The following PCDHGA11 variants were observed in gnomAD, a reference collection of about 807,000 sequenced individuals.
PCDHGA11 encodes the protein protocadherin gamma subfamily A, 11.
In PCDHGA11, 39 loss-of-function variants were observed where a neutral mutation model predicts 60.4. That is an observed-to-expected ratio of 0.65 (90% CI 0.50 to 0.84). PCDHGA11 has a LOEUF of 0.84. Ranked by LOEUF, PCDHGA11 falls within the 40% of genes least tolerant of loss-of-function variation. PCDHGA11 has a pLI of 0.00. For missense variants in PCDHGA11, 1,165 were observed against 1,197.7 expected, an observed-to-expected ratio of 0.97 and a Z score of 0.40; for synonymous variants, 533 against 510.3, an observed-to-expected ratio of 1.04 and a Z score of -0.60.
chr5:141,422,052 CG>C lies in PCDHGA11; in HGVS notation c.829del (p.Glu277LysfsTer2), dbSNP rs1282698929. 6.2e-7 allele frequency: 1 copy of C among 1,611,298 alleles called. No homozygotes were observed. The highest frequency in any genetic ancestry group is 1.1e-5 in the South Asian group (1 of 90,400). ...CAACGGATCCAGACGAGGGAATCAA[CG>C]GGGAAGTAATGTATTCATTTCGGAA... is the stretch of plus-strand genomic sequence containing the variant. ...NATDPDEGIN[G>X]EVMYSFRNME... On this transcript the variant is annotated frameshift_variant, in exon 1 of 4. Transcript: ENST00000398587. LOFTEE classifies it high-confidence loss of function.
Position 141,511,176 on chromosome 5 carries a change from T to C in PCDHGA11, c.*3T>C, listed in dbSNP as rs375508988. On this transcript the variant is annotated 3_prime_UTR_variant, in exon 4 of 4. Transcript: ENST00000398587. ...CGGGCAAGAAGGAGAAGAAGTAACA[T>C]GGAGGCCAGGCCAAGAGCCACAGGG... 198 of 1,614,046 alleles carry C rather than the reference T, an allele frequency of 1.2e-4. 1 individual carries two copies. The highest frequency in any genetic ancestry group is 6.5e-5 in the Non-Finnish European group (77 of 1,179,964).
At position 141,511,216 on chromosome 5, in the gene PCDHGA11, C is replaced by G. The variant is rs374915167; in HGVS notation, c.*43C>G. Reference sequence around the variant, plus strand: ...GAGCCACAGGGCGGCCTCTCCCCAACCAGCCCAGCTTCTCCTTACCTGCAC... The same window carrying G: ...GAGCCACAGGGCGGCCTCTCCCCAAGCAGCCCAGCTTCTCCTTACCTGCAC... On this transcript the variant is annotated 3_prime_UTR_variant, in exon 4 of 4. Coordinates refer to ENST00000398587, the MANE Select transcript of PCDHGA11 (RefSeq NM_018914.3). 4.2e-5 allele frequency: 68 copies of G among 1,608,004 alleles called. No individual in the cohort carries two copies. The highest frequency in any genetic ancestry group is 6.7e-5 in the East Asian group (3 of 44,538).
chr5:141,486,728 G>T lies in PCDHGA11; in HGVS notation c.2434-8079G>T. On this transcript the variant is annotated intron_variant, in intron 1 of 3. Coordinates refer to ENST00000398587, the MANE Select transcript of PCDHGA11 (RefSeq NM_018914.3). This position sits in a 1 kb window ranked among gnomAD's most constrained non-coding sequence, Gnocchi z 5.0. Reference sequence around the variant, plus strand: ...GAACCCCCAGACAGGAGCTGTTCATGCTACTCGATCCTTTGACTATGAGCA... The same window carrying T: ...GAACCCCCAGACAGGAGCTGTTCATTCTACTCGATCCTTTGACTATGAGCA... The T allele has an allele frequency of 6.2e-7, 1 of 1,614,200 alleles. No individual in the cohort carries two copies. The highest frequency in any genetic ancestry group is 8.5e-7 in the Non-Finnish European group (1 of 1,180,052).
intron 1 of PCDHGA11, chr5:141,441,982 G>T: frequency 3.6e-6 from 1 of 277,096 alleles, no homozygotes; most frequent in South Asian, 3.6e-5. Flanking sequence ...CCTGGAATGC[G>T]CACCGACGAG....
chr5:141,477,184 C>T lies in PCDHGA11; in HGVS notation c.2434-17623C>T. On this transcript the variant is annotated intron_variant, in intron 1 of 3. Coordinates refer to ENST00000398587, the MANE Select transcript of PCDHGA11 (RefSeq NM_018914.3). The surrounding 1 kb of genome is among the most constrained non-coding windows in gnomAD (Gnocchi z 4.9). ...ACGCCCCGGAGATCACAGTCACCTC[C>T]GTGTACAGCCCAGTACCCGAGGATG... The T allele has an allele frequency of 3.7e-6, 6 of 1,614,178 alleles. No individual in the cohort carries two copies. Among genetic ancestry groups the T allele is most frequent in the Non-Finnish European group, 5.1e-6 (6 of 1,180,032 alleles).
At chr5:141,441,911 T>TGAG in intron 1 of PCDHGA11, 1 of 348,148 alleles carries the variant, frequency 2.9e-6, no homozygotes, top group Non-Finnish European at 5.5e-6. Context: ...GACGCAGATG[T>TGAG]GAGACACAAT....
Position 141,485,625 on chromosome 5 carries a change from G to T in PCDHGA11, c.2434-9182G>T. 6.2e-7 allele frequency: 1 copy of T among 1,611,968 alleles called. No individual in the cohort carries two copies. On this transcript the variant is annotated intron_variant, in intron 1 of 3. Transcript: ENST00000398587. This position sits in a 1 kb window ranked among gnomAD's most constrained non-coding sequence, Gnocchi z 5.7. ...GGGGAGGCAGCTCCTCCAGGACAGC[G>T]TTTCCCGTTGGAAAAGGCTCAGGAT...
Position 141,490,644 on chromosome 5 carries a change from T to G in PCDHGA11, c.2434-4163T>G, listed in dbSNP as rs772742713. 1 of 1,614,188 alleles carries G rather than the reference T, an allele frequency of 6.2e-7. No individual in the cohort carries two copies. Among genetic ancestry groups the G allele is most frequent in the Non-Finnish European group, 8.5e-7 (1 of 1,180,016 alleles). The stretch of plus-strand genomic sequence containing the variant: ...CTGCTTACATCCTAGAAAACCGGCC[T>G]CCGGGCTCCCTTCTTTGCACTGTGG... On this transcript the variant is annotated intron_variant, in intron 1 of 3. Transcript: ENST00000398587. The surrounding 1 kb of genome is among the most constrained non-coding windows in gnomAD (Gnocchi z 5.4).
At position 141,489,302 on chromosome 5, in the gene PCDHGA11, T is replaced by C. The variant is rs1258736404; in HGVS notation, c.2434-5505T>C. 2 of 1,586,886 alleles carry C rather than the reference T, an allele frequency of 1.3e-6. No homozygotes were observed. The highest frequency in any genetic ancestry group is 2.3e-5 in the South Asian group (2 of 85,378). ...TGGCAAGTGCTGTGCATGTTGTCCT[T>C]GTGCTGCTGGGGCTGGGTGTCTGGG... On this transcript the variant is annotated intron_variant, in intron 1 of 3. Transcript: ENST00000398587. The surrounding 1 kb of genome is among the most constrained non-coding windows in gnomAD (Gnocchi z 4.5).
intron 1 of PCDHGA11, chr5:141,428,122 G>A: frequency 6.2e-7 from 1 of 1,606,172 alleles, no homozygotes; most frequent in Non-Finnish European, 8.5e-7. Context: ...ATCGAGCCCG[G>A]GCTTTTCAGC....
chr5:141,490,106 T>C lies in PCDHGA11; in HGVS notation c.2434-4701T>C, dbSNP rs1314489019. On this transcript the variant is annotated intron_variant, in intron 1 of 3. Coordinates refer to ENST00000398587, the MANE Select transcript of PCDHGA11 (RefSeq NM_018914.3). The surrounding 1 kb of genome is among the most constrained non-coding windows in gnomAD (Gnocchi z 5.4). ...TTTGGAGACCACACATCTGAGGCAG[T>C]GCGGAACCTCTTTGGCCTAGACCCT... 2.5e-6 allele frequency: 4 copies of C among 1,614,246 alleles called. No homozygotes were observed. Among genetic ancestry groups the C allele is most frequent in the South Asian group, 1.1e-5 (1 of 91,086 alleles).
chr5:141,447,298 C>T lies in PCDHGA11; in HGVS notation c.2433+23638C>T, dbSNP rs187482431. 1.7e-3 allele frequency among the ~76,000 whole-genome samples: 260 copies of T among 152,214 alleles called. 2 individuals carry two copies. Among genetic ancestry groups the T allele is most frequent in the African/African-American group, 5.8e-3 (239 of 41,534 alleles). ...GGGACTACAGGCACATGCCACCACA[C>T]CCGGCTAATTTTTGTATTTTTAGTA... On this transcript the variant is annotated intron_variant, in intron 1 of 3. Coordinates refer to ENST00000398587, the MANE Select transcript of PCDHGA11 (RefSeq NM_018914.3).
chr5:141,486,379 G>A lies in PCDHGA11; in HGVS notation c.2434-8428G>A. 2 of 1,614,094 alleles carry A rather than the reference G, an allele frequency of 1.2e-6. No individual in the cohort carries two copies. Among genetic ancestry groups the A allele is most frequent in the Non-Finnish European group, 1.7e-6 (2 of 1,180,000 alleles). ...CATTTGCCCTCAAGTCTGCCTTCAG[G>A]AACCAGTTCTCCCTGGTGACTGCTG... On this transcript the variant is annotated intron_variant, in intron 1 of 3. Transcript: ENST00000398587. The surrounding 1 kb of genome is among the most constrained non-coding windows in gnomAD (Gnocchi z 5.0).
At chr5:141,498,679 C>T (rs1454800332) in intron 2 of PCDHGA11, among the ~76,000 whole-genome samples, 1 of 152,170 alleles carries the variant, frequency 6.6e-6, no homozygotes, top group African/African-American at 2.4e-5. Flanking sequence ...CGCCTGTAAT[C>T]CCAGCACTTT....
At position 141,491,645 on chromosome 5, in the gene PCDHGA11, C is replaced by T; in HGVS notation, c.2434-3162C>T. On this transcript the variant is annotated intron_variant, in intron 1 of 3. Transcript: ENST00000398587. The surrounding 1 kb of genome is among the most constrained non-coding windows in gnomAD (Gnocchi z 6.9). ...AGCGTTCAGCAGCCCACAGCTCTGG[C>T]GCTGGAGCCTGACGCCATCCGGTCC... 1.2e-6 allele frequency: 2 copies of T among 1,613,890 alleles called. No homozygotes were observed. Among genetic ancestry groups the T allele is most frequent in the African/African-American group, 1.3e-5 (1 of 75,082 alleles).
intron 1 of PCDHGA11, among the ~76,000 whole-genome samples, chr5:141,464,966 T>C (rs192224238): frequency 1.2e-3 from 178 of 152,274 alleles, no homozygotes; most frequent in Middle Eastern, 3.4e-3. Flanking sequence ...TGTCTTGAAC[T>C]ACTGGCTTCA....
intron 2 of PCDHGA11, among the ~76,000 whole-genome samples, chr5:141,503,682 G>A (rs1430771639): frequency 1.3e-5 from 2 of 151,974 alleles, no homozygotes; most frequent in South Asian, 4.1e-4. Flanking sequence ...CTTTTGGGAA[G>A]GAGAATTGAG....
At chr5:141,448,542 T>G (rs2098594694) in intron 1 of PCDHGA11, among the ~76,000 whole-genome samples, 1 of 152,210 alleles carries the variant, frequency 6.6e-6, no homozygotes, top group Non-Finnish European at 1.5e-5. Flanking sequence ...GCATTTCTTA[T>G]GCAAATATGT....
In PCDHGA11 at chr5:141,431,955, GA is replaced by G; in HGVS notation, c.2433+8298del. ...CCCTTTAAATTAGAAAAATCTTACG[GA>G]AATTACTATAGTTTAGTCACAGACA... On this transcript the variant is annotated intron_variant, in intron 1 of 3. Coordinates refer to ENST00000398587, the MANE Select transcript of PCDHGA11 (RefSeq NM_018914.3). The surrounding 1 kb of genome is among the most constrained non-coding windows in gnomAD (Gnocchi z 4.8). The G allele has an allele frequency of 6.2e-7, 1 of 1,614,142 alleles. No homozygotes were observed. Among genetic ancestry groups the G allele is most frequent in the Non-Finnish European group, 8.5e-7 (1 of 1,180,024 alleles).
Sources: gnomAD v4.1 joint callset for allele counts (sites outside exome capture counted in the v4.1 genomes callset) on GRCh38, gnomAD v4.1.1 for gene constraint, Gnocchi (gnomAD v3.1) non-coding constraint, MANE v1.5 for transcripts, NCBI Gene and HGNC (gene_info 2026-07-23, HGNC 2026-07-21) for gene names.